Variants in PPP2R2B observed in about 807,000 individuals in gnomAD.
PPP2R2B encodes protein phosphatase 2 regulatory subunit Bbeta.
In PPP2R2B, 5 loss-of-function variants were observed where a neutral mutation model predicts 46.0. That is an observed-to-expected ratio of 0.11 (90% CI 0.06 to 0.23). The LOEUF (loss-of-function observed/expected upper bound fraction) is 0.23. Ranked by LOEUF, PPP2R2B falls within the 10% of genes least tolerant of loss-of-function variation. The pLI is 1.00. For missense variants in PPP2R2B, 367 were observed against 575.0 expected (o/e 0.64, Z 3.70); for synonymous variants, 215 against 206.7 (o/e 1.04, Z -0.34).
chr5:146,822,654 T>A lies in PPP2R2B; in HGVS notation c.70+55348A>T, dbSNP rs114077101. Among the ~76,000 whole-genome samples the A allele has an allele frequency of 5.5e-3, 844 of 152,102 alleles. 7 individuals are homozygous for A. The highest frequency in any genetic ancestry group is 0.019 in the African/African-American group (798 of 41,506). ...TGTCCTAATCTCTCCATACCATTTA[T>A]CAACATATAAAATTCTCATTTGCTT... On this transcript the variant is annotated intron_variant, in intron 2 of 9. Transcript: ENST00000394411.
At chr5:146,754,844 G>T (rs896862796) in intron 2 of PPP2R2B, among the ~76,000 whole-genome samples, 1 of 152,150 alleles carries the variant, frequency 6.6e-6, no homozygotes, top group African/African-American at 2.4e-5. Context: ...CATGATGGAA[G>T]CACTTCCTCC....
intron 2 of PPP2R2B, among the ~76,000 whole-genome samples, chr5:146,797,429 T>A (rs1009410237): frequency 1.3e-5 from 2 of 152,236 alleles, no homozygotes; most frequent in African/African-American, 4.8e-5. Flanking sequence ...GAACTCACCA[T>A]CTGGATTTTT....
At chr5:146,657,010 AT>A (rs1287472365) in intron 5 of PPP2R2B, among the ~76,000 whole-genome samples, 15 of 152,154 alleles carry the variant, frequency 9.9e-5, no homozygotes, top group Admixed American at 9.8e-4. Context: ...TGTTGCTGTC[AT>A]TTGGCTTATT....
At chr5:146,729,210 A>G (rs1007852922) in intron 2 of PPP2R2B, among the ~76,000 whole-genome samples, 2 of 152,208 alleles carry the variant, frequency 1.3e-5, no homozygotes, top group African/African-American at 4.8e-5. Context: ...TGTTTTAGCA[A>G]AGAGACTGGT....
intron 1 of PPP2R2B, among the ~76,000 whole-genome samples, chr5:146,926,986 A>C (rs1444756515): frequency 6.6e-6 from 1 of 152,092 alleles, no homozygotes; most frequent in African/African-American, 2.4e-5. Flanking sequence ...CCAGCTCTTC[A>C]AACTGGTTGA....
At chr5:146,597,441 C>T (rs549906810) in intron 8 of PPP2R2B, among the ~76,000 whole-genome samples, 4 of 152,278 alleles carry the variant, frequency 2.6e-5, no homozygotes, top group African/African-American at 9.6e-5. Context: ...CTTTTCCCTA[C>T]CTTCGATTCA....
At chr5:146,596,829 C>T (rs987423572) in intron 8 of PPP2R2B, among the ~76,000 whole-genome samples, 1 of 152,166 alleles carries the variant, frequency 6.6e-6, no homozygotes, top group Non-Finnish European at 1.5e-5. Context: ...GGAAACAAAG[C>T]TATCTCCACT....
In PPP2R2B at chr5:146,680,962, T is replaced by C. The variant is rs574318920; in HGVS notation, c.447+10166A>G. Reference sequence around the variant, plus strand: ...GTTTTCTCCAACCAAGATCTTGTTTTTATGCGTCAAAGACAAGATAGTATC... The same window carrying C: ...GTTTTCTCCAACCAAGATCTTGTTTCTATGCGTCAAAGACAAGATAGTATC... On this transcript the variant is annotated intron_variant, in intron 5 of 9. Coordinates refer to ENST00000394411, the MANE Select transcript of PPP2R2B (RefSeq NM_181675.4). Among the ~76,000 whole-genome samples, 6 of 152,338 alleles carry C rather than the reference T, an allele frequency of 3.9e-5. No individual in the cohort carries two copies. In the South Asian group the frequency reaches 6.2e-4, roughly 16 times the overall value.
At position 147,051,753 on chromosome 5, in the gene PPP2R2B, C is replaced by CTT. The variant is rs60522229; in HGVS notation, c.79+3910_79+3911dup. Among the ~76,000 whole-genome samples, 393 of 92,372 alleles carry CTT rather than the reference C, an allele frequency of 4.3e-3. 47 individuals carry two copies. The highest frequency in any genetic ancestry group is 0.014 in the African/African-American group (299 of 21,708). 60.6% of individuals were successfully genotyped at this position (92,372 alleles called of 152,430 possible). A position where few individuals can be genotyped will look rare whatever the true frequency, so the allele number is the denominator to read the frequency against. On this transcript the variant is annotated intron_variant, in intron 1 of 8. Coordinates refer to the PPP2R2B transcript ENST00000336640. ...GACTCTCTCATTTCTGTTTTGCTTC[C>CTT]TTTTTTTTTTTTTTTTTTTTTTTTT...
At chr5:147,081,244 G>A (rs1757960018) in intron 1 of PPP2R2B, 2 of 1,535,496 alleles carry the variant, frequency 1.3e-6, no homozygotes, top group South Asian at 2.4e-5. Context: ...TTTCTAAAAG[G>A]AGACTTGCAC....
intron 2 of PPP2R2B, among the ~76,000 whole-genome samples, chr5:146,872,621 A>G (rs987462299): frequency 4.6e-5 from 7 of 151,458 alleles, no homozygotes; most frequent in Non-Finnish European, 8.8e-5. Flanking sequence ...CCTCACTTTT[A>G]CTCTCTGTGG....
chr5:147,080,724 G>T (rs1180195334), intron 2 of PPP2R2B, among the ~76,000 whole-genome samples: 1 of 152,118 alleles, frequency 6.6e-6, no homozygotes, highest in Non-Finnish European at 1.5e-5. Flanking sequence ...GAAAGGGAGA[G>T]AATTATGGCT....
chr5:146,778,986 A>G (rs1246681895), intron 2 of PPP2R2B, among the ~76,000 whole-genome samples: 2 of 152,204 alleles, frequency 1.3e-5, no homozygotes, highest in Admixed American at 1.3e-4. Flanking sequence ...TGGGGGATCC[A>G]GTGTGGGGCA....
intron 1 of PPP2R2B, among the ~76,000 whole-genome samples, chr5:146,924,998 G>A (rs999609641): frequency 6.6e-6 from 1 of 151,906 alleles, no homozygotes; most frequent in Admixed American, 6.6e-5. Context: ...TCTTCTTTTG[G>A]TTAACAGTAA....
rs1770042708 is a variant in PPP2R2B at position 146,584,504 on chromosome 5, T to C, written c.*5443A>G. 6.6e-6 allele frequency: 1 copy of C among 152,156 alleles called. No homozygotes were observed. The highest frequency in any genetic ancestry group is 1.5e-5 in the Non-Finnish European group (1 of 68,030). The allele number at this position is 152,156 out of a possible 1,614,324, so 9.4% of individuals were successfully genotyped here. A position where few individuals can be genotyped will look rare whatever the true frequency, so the allele number is the denominator to read the frequency against. On this transcript the variant is annotated 3_prime_UTR_variant, in exon 10 of 10. Coordinates refer to ENST00000394411, the MANE Select transcript of PPP2R2B (RefSeq NM_181675.4). ...TTACCAATAACTGTGATGGAAGAAG[T>C]ATAGGATCTGGAACAGGATAGATCT... is the stretch of plus-strand genomic sequence containing the variant.
chr5:146,874,267 C>T lies in PPP2R2B; in HGVS notation c.70+3735G>A, dbSNP rs537539727. On this transcript the variant is annotated intron_variant, in intron 2 of 9. Coordinates refer to ENST00000394411, the MANE Select transcript of PPP2R2B (RefSeq NM_181675.4). ...AGACCACGTCTGTATTGGAACATCCCGTATCACCTCTGCAAAACGTCAGTA... is the reference window on the plus strand; with the variant it reads ...AGACCACGTCTGTATTGGAACATCCTGTATCACCTCTGCAAAACGTCAGTA... Among the ~76,000 whole-genome samples, 10 of 152,246 alleles carry T rather than the reference C, an allele frequency of 6.6e-5. No individual in the cohort carries two copies. The South Asian group carries it at 2.1e-3, about 32-fold the overall frequency.
At chr5:146,980,909 T>C (rs1753143288) in intron 1 of PPP2R2B, among the ~76,000 whole-genome samples, 1 of 152,048 alleles carries the variant, frequency 6.6e-6, no homozygotes, top group Admixed American at 6.6e-5. Flanking sequence ...TATCAGTTTC[T>C]GAAAATGGAG....
intron 2 of PPP2R2B, among the ~76,000 whole-genome samples, chr5:146,725,934 G>A (rs1751836755): frequency 6.6e-6 from 1 of 152,172 alleles, no homozygotes. Context: ...AGAAAACTAT[G>A]AAAGCTAACT....
At position 146,623,719 on chromosome 5, in the gene PPP2R2B, A is replaced by C. The variant is rs113236954; in HGVS notation, c.790+14532T>G. On this transcript the variant is annotated intron_variant, in intron 7 of 9. Transcript: ENST00000394411. ...CAGGTTAAAAAGAGAAGATAAAGGC[A>C]AGTATCATTATGAGCTTCGTGGGGA... is the stretch of plus-strand genomic sequence containing the variant. Among the ~76,000 whole-genome samples the C allele has an allele frequency of 7.3e-3, 1,116 of 152,336 alleles. 13 individuals carry two copies. The highest frequency in any genetic ancestry group is 0.025 in the African/African-American group (1,057 of 41,580).
Sources: gnomAD v4.1 joint callset for allele counts (sites outside exome capture counted in the v4.1 genomes callset) on GRCh38, gnomAD v4.1.1 for gene constraint, MANE v1.5 for transcripts, NCBI Gene and HGNC (gene_info 2026-07-23, HGNC 2026-07-21) for gene names.